Variants in CCDC183 observed in about 807,000 individuals in gnomAD.
The protein encoded by CCDC183 is coiled-coil domain containing 183.
Under a neutral mutation model 65.2 loss-of-function variants are expected in CCDC183, and 63 were observed. The observed-to-expected ratio is 0.97, with a 90% CI of 0.79 to 1.19. The LOEUF (loss-of-function observed/expected upper bound fraction) is 1.19, where lower values mean the gene tolerates loss of function less well. Ranked by LOEUF, CCDC183 falls within the 50% of genes most tolerant of loss-of-function variation. CCDC183 has a pLI of 0.00. For missense variants in CCDC183, 769 were observed against 689.3 expected (o/e 1.12, Z -1.30); for synonymous variants, 323 against 276.5 (o/e 1.17, Z -1.67).
chr9:136,796,701 A>G (rs1847653873), intron 1 of CCDC183, among the ~76,000 whole-genome samples: 1 of 152,230 alleles, frequency 6.6e-6, no homozygotes, highest in Admixed American at 6.5e-5. Context: ...ATTGAATCAA[A>G]GATTAATGCA....
At chr9:136,806,420 C>T (rs982488914) in intron 10 of CCDC183, 84 bp from the exon 11 acceptor site, 1 of 1,557,422 alleles carries the variant, frequency 6.4e-7, no homozygotes, top group Non-Finnish European at 8.8e-7. Context: ...GCACAGCACC[C>T]AACTCAGGAC....
intron 1 of CCDC183, among the ~76,000 whole-genome samples, chr9:136,797,958 C>A (rs549524470): frequency 6.6e-6 from 1 of 151,834 alleles, no homozygotes; most frequent in East Asian, 1.9e-4. Context: ...TTAGTTGGGA[C>A]ATCAGGTGTA....
At chr9:136,796,980 G>T (rs1325925446) in intron 1 of CCDC183, among the ~76,000 whole-genome samples, 1 of 152,162 alleles carries the variant, frequency 6.6e-6, no homozygotes, top group Admixed American at 6.5e-5. Context: ...AGTGAAAGAG[G>T]GAGGCCTCTT....
intron 2 of CCDC183, 146 bp downstream of exon 2, chr9:136,799,369 C>G: frequency 2.3e-6 from 3 of 1,297,200 alleles, no homozygotes; most frequent in Non-Finnish European, 3.1e-6. Context: ...CTGCTAGGAC[C>G]TGTGCCCTGG....
At chr9:136,799,263 G>A in intron 2 of CCDC183, 40 bp downstream of exon 2, 1 of 1,563,176 alleles carries the variant, frequency 6.4e-7, no homozygotes, top group Non-Finnish European at 8.6e-7. Flanking sequence ...TGGCGAGCAG[G>A]GCAGGAGCTG....
At chr9:136,796,980 G>A (rs1325925446) in intron 1 of CCDC183, among the ~76,000 whole-genome samples, 1 of 152,162 alleles carries the variant, frequency 6.6e-6, no homozygotes, top group Non-Finnish European at 1.5e-5. Context: ...AGTGAAAGAG[G>A]GAGGCCTCTT....
intron 13 of CCDC183, 98 bp from the exon 14 acceptor site, chr9:136,807,474 C>T: frequency 1.4e-6 from 2 of 1,420,764 alleles, no homozygotes; most frequent in Admixed American, 5.5e-5. Context: ...GGGCAAGGCA[C>T]CTGGCCCGGG....
chr9:136,807,686 A>G lies in CCDC183; in HGVS notation c.1601A>G (p.Lys534Arg), dbSNP rs1847889821. Residue 534 changes from lysine to arginine, a missense_variant, in exon 14 of 14, where the codon AAG becomes AGG. Lys to Arg is a conservative substitution (Grantham distance 26). Coordinates refer to ENST00000338005, the MANE Select transcript of CCDC183 (RefSeq NM_001039374.5). ...CTCAAGGCGGCCAAGAAAAAGAAGAAGTAGCCCCGCCGCCCCGCTCCCTGC... is the reference window on the plus strand; with the variant it reads ...CTCAAGGCGGCCAAGAAAAAGAAGAGGTAGCCCCGCCGCCCCGCTCCCTGC... ...GKLKAAKKKK[K>R] The G allele has an allele frequency of 6.3e-7, 1 of 1,597,868 alleles. No homozygotes were observed.
In CCDC183 at chr9:136,806,066, CGGACTGGCCA is replaced by C; in HGVS notation, c.949-7_951del. 6.5e-7 allele frequency: 1 copy of C among 1,547,614 alleles called. No homozygotes were observed. Among genetic ancestry groups the C allele is most frequent in the Non-Finnish European group, 8.7e-7 (1 of 1,146,204 alleles). On this transcript the variant is annotated splice_acceptor_variant and splice_polypyrimidine_tract_variant and intron_variant, in intron 9 of 13. Coordinates refer to ENST00000338005, the MANE Select transcript of CCDC183 (RefSeq NM_001039374.5). LOFTEE classifies it high-confidence loss of function. ...GGCCCACACCTGCTTCTCTCTCCCC[CGGACTGGCCA>C]GGACATCACTAGCCGCTTCCTGGCC...
intron 8 of CCDC183, 181 bp from the exon 9 acceptor site, chr9:136,805,176 G>A (rs977733541): frequency 2.6e-5 from 16 of 605,222 alleles, no homozygotes; most frequent in South Asian, 9.9e-5. Context: ...TGCCTGGGGC[G>A]TCCCTGCAGG....
intron 1 of CCDC183, 34 bp downstream of exon 1, chr9:136,796,501 C>G (rs1793210872): frequency 6.7e-7 from 1 of 1,495,130 alleles, no homozygotes; most frequent in South Asian, 1.2e-5. Flanking sequence ...GTCTCCCTTT[C>G]CCGTCTGGGG....
Position 136,806,784 on chromosome 9 carries a change from G to C in CCDC183, c.1306G>C (p.Asp436His), listed in dbSNP as rs760414628. The C allele has an allele frequency of 6.2e-7, 1 of 1,613,626 alleles. No individual in the cohort carries two copies. Among genetic ancestry groups the C allele is most frequent in the Non-Finnish European group, 8.5e-7 (1 of 1,180,024 alleles). ...AGAAGTGGTGCTCTCCAACACCCTC[G>C]ATTTGAACAGCAAGCTGGCGTACTG... ...QREVVLSNTLDLNSKLAYCEG... is the reference protein window; with the variant it reads ...QREVVLSNTLHLNSKLAYCEG... The change falls in exon 12 of 14, where the codon GAT becomes CAT. Residue 436 changes from aspartate (D) to histidine (H), a missense_variant. By Grantham distance (81) the Asp-to-His change is moderately conservative. Transcript: ENST00000338005.
At chr9:136,798,958 C>T (rs536472834) in intron 1 of CCDC183, 144 bp from the exon 2 acceptor site, 20 of 1,081,140 alleles carry the variant, frequency 1.8e-5, no homozygotes, top group East Asian at 5.4e-5. Context: ...CAGGACAGGG[C>T]GGGAGGAGGG....
chr9:136,799,795 C>G lies in CCDC183; in HGVS notation c.270+5C>G, dbSNP rs756843876. The G allele has an allele frequency of 1.2e-6, 2 of 1,612,210 alleles. No homozygotes were observed. Among genetic ancestry groups the G allele is most frequent in the Non-Finnish European group, 1.7e-6 (2 of 1,179,358 alleles). On this transcript the variant is annotated splice_donor_5th_base_variant and intron_variant, in intron 3 of 13. Transcript: ENST00000338005. Reference sequence around the variant, plus strand: ...CACTGCCGCAGCACCATGGAGGTAACCAGGCAGGAGGGGCCTCGAGACCCA... The same window carrying G: ...CACTGCCGCAGCACCATGGAGGTAAGCAGGCAGGAGGGGCCTCGAGACCCA...
intron 9 of CCDC183, 155 bp from the exon 10 acceptor site, chr9:136,805,923 G>A (rs1847836914): frequency 4.7e-6 from 3 of 644,276 alleles, no homozygotes; most frequent in African/African-American, 1.8e-5. Flanking sequence ...GAGTCTGGGA[G>A]GTTGAGGCTG....
intron 6 of CCDC183, among the ~76,000 whole-genome samples, chr9:136,803,394 C>T (rs984240348): frequency 4.6e-5 from 7 of 152,200 alleles, no homozygotes; most frequent in Admixed American, 2.0e-4. Context: ...GCCCGGCCAG[C>T]CTGCTCTGCT....
rs753458737 is a variant in CCDC183 at position 136,802,732 on chromosome 9, G to A, written c.612G>A (p.Leu204=). ...QNLVVNYCSE[L]SDMKIMSQDA... ...TCGTGGTCAACTACTGCTCAGAGCT[G>A]TCGGATATGAAGATCATGTCCCAAG... The change falls in exon 6 of 14, where the codon CTG becomes CTA. Residue 204 remains leucine, a synonymous_variant. Coordinates refer to ENST00000338005, the MANE Select transcript of CCDC183 (RefSeq NM_001039374.5). The A allele has an allele frequency of 1.9e-5, 31 of 1,613,432 alleles. No individual in the cohort carries two copies. The highest frequency in any genetic ancestry group is 2.6e-5 in the Non-Finnish European group (31 of 1,179,900).
At chr9:136,801,387 G>A (rs1417171108) in intron 5 of CCDC183, among the ~76,000 whole-genome samples, 1 of 149,000 alleles carries the variant, frequency 6.7e-6, no homozygotes, top group Non-Finnish European at 1.5e-5. Flanking sequence ...GCCTTCTTCT[G>A]TTTAGAACAT....
In CCDC183 at chr9:136,806,747, C is replaced by G. The variant is rs751778045; in HGVS notation, c.1279-10C>G. ...CAGAGGGGAGATGAGACCCTCCTCC[C>G]GGCCTACAGAGAGAAGTGGTGCTCT... On this transcript the variant is annotated splice_polypyrimidine_tract_variant and intron_variant, in intron 11 of 13. Coordinates refer to ENST00000338005, the MANE Select transcript of CCDC183 (RefSeq NM_001039374.5). 1 of 1,613,352 alleles carries G rather than the reference C, an allele frequency of 6.2e-7. No homozygotes were observed. The highest frequency in any genetic ancestry group is 1.3e-5 in the African/African-American group (1 of 74,948).
Sources: gnomAD v4.1 joint callset for allele counts (sites outside exome capture counted in the v4.1 genomes callset) on GRCh38, gnomAD v4.1.1 for gene constraint, MANE v1.5 for transcripts, NCBI Gene and HGNC (gene_info 2026-07-23, HGNC 2026-07-21) for gene names.